The following SEMA5B variants were observed in gnomAD, a reference collection of about 807,000 sequenced individuals.
The protein encoded by SEMA5B is semaphorin 5B, also known as semaphorin-5B.
Under a neutral mutation model 135.0 loss-of-function variants are expected in SEMA5B, and 66 were observed. That is an observed-to-expected ratio of 0.49 (90% CI 0.40 to 0.60). The LOEUF (loss-of-function observed/expected upper bound fraction) is 0.60. SEMA5B is among the 20% of genes least tolerant of loss of function. SEMA5B has a pLI of 0.00. For synonymous variants in SEMA5B, 690 were observed against 639.5 expected, an observed-to-expected ratio of 1.08 and a Z score of -1.19; for missense variants, 1,501 against 1,566.3, an observed-to-expected ratio of 0.96 and a Z score of 0.70.
intron 2 of SEMA5B, among the ~76,000 whole-genome samples, chr3:122,954,331 T>C (rs1384650231): frequency 6.6e-6 from 1 of 152,206 alleles, no homozygotes; most frequent in Non-Finnish European, 1.5e-5. Flanking sequence ...TCCAGCCCTT[T>C]CCTGAGGTTT....
intron 10 of SEMA5B, among the ~76,000 whole-genome samples, chr3:122,922,731 G>A (rs1205044018): frequency 6.6e-6 from 1 of 152,212 alleles, no homozygotes. Flanking sequence ...ATCTAAAAAC[G>A]GATACTTTGA....
At chr3:122,981,417 C>G (rs908708775) in intron 1 of SEMA5B, among the ~76,000 whole-genome samples, 1 of 152,226 alleles carries the variant, frequency 6.6e-6, no homozygotes, top group African/African-American at 2.4e-5. Context: ...CATGTGTGGC[C>G]AGGCGAATTT....
At chr3:122,919,382 T>C in intron 12 of SEMA5B, among the ~76,000 whole-genome samples, 1 of 152,084 alleles carries the variant, frequency 6.6e-6, no homozygotes, top group East Asian at 1.9e-4. Context: ...CAGCTCCTCC[T>C]CGTGGGAGCA....
At chr3:122,978,386 C>A (rs959715985) in intron 1 of SEMA5B, among the ~76,000 whole-genome samples, 2 of 152,116 alleles carry the variant, frequency 1.3e-5, no homozygotes, top group Non-Finnish European at 2.9e-5. Context: ...GGAGGCGGGG[C>A]GTAGGGCCAC....
intron 5 of SEMA5B, among the ~76,000 whole-genome samples, chr3:122,939,006 C>T (rs4677978): frequency 0.25 from 38,244 of 152,062 alleles, 4,852 homozygotes; most frequent in East Asian, 0.33. Context: ...TCCGTGGAGG[C>T]CTGAACTCAG....
intron 1 of SEMA5B, among the ~76,000 whole-genome samples, chr3:122,988,142 C>T (rs1941758393): frequency 6.6e-6 from 1 of 152,138 alleles, no homozygotes; most frequent in African/African-American, 2.4e-5. Flanking sequence ...CGAGAATCTG[C>T]ATTTCAAAAA....
chr3:122,986,616 T>C (rs1382258973), intron 1 of SEMA5B, among the ~76,000 whole-genome samples: 1 of 151,630 alleles, frequency 6.6e-6, no homozygotes, highest in African/African-American at 2.4e-5. Context: ...TGTGTGTGTG[T>C]GTGTGTGTGG....
rs981469003 is a variant in SEMA5B at position 122,959,331 on chromosome 3, T to C, written c.124+1809A>G. Among the ~76,000 whole-genome samples, 5 of 152,248 alleles carry C rather than the reference T, an allele frequency of 3.3e-5. No homozygotes were observed. In the East Asian group the frequency reaches 9.6e-4, roughly 29 times the overall value. ...GAGGTCAGACTGGTAAAAGCTGGAT[T>C]CAAACCCAGGCAGTCGGGCTCAGGA... On this transcript the variant is annotated intron_variant, in intron 2 of 22. Coordinates refer to ENST00000357599, the MANE Select transcript of SEMA5B (RefSeq NM_001031702.4).
intron 5 of SEMA5B, 30 bp downstream of exon 5, chr3:122,939,395 T>A: frequency 6.4e-7 from 1 of 1,574,238 alleles, no homozygotes; most frequent in Admixed American, 1.7e-5. Flanking sequence ...GGGGAAATTA[T>A]AGGAAGGGAA....
At chr3:122,938,530 TC>T (rs1261806549) in intron 5 of SEMA5B, among the ~76,000 whole-genome samples, 3 of 152,170 alleles carry the variant, frequency 2.0e-5, no homozygotes, top group Admixed American at 6.5e-5. Flanking sequence ...GCAGTGAAAC[TC>T]TATACCAAAC....
chr3:122,918,704 C>T (rs1938196626), intron 12 of SEMA5B, among the ~76,000 whole-genome samples: 1 of 152,230 alleles, frequency 6.6e-6, no homozygotes, highest in Non-Finnish European at 1.5e-5. Flanking sequence ...ACACGCCTGC[C>T]CTGCCCCTTC....
intron 1 of SEMA5B, among the ~76,000 whole-genome samples, chr3:122,997,563 C>T (rs1468377720): frequency 1.3e-5 from 2 of 150,354 alleles, no homozygotes; most frequent in Non-Finnish European, 3.0e-5. Context: ...CGTGGGAGGC[C>T]AAGAGGGGTA....
At chr3:122,977,976 G>A (rs1941386860) in intron 1 of SEMA5B, among the ~76,000 whole-genome samples, 1 of 152,262 alleles carries the variant, frequency 6.6e-6, no homozygotes. Flanking sequence ...CAAGGCATCT[G>A]AGCCAGGGCC....
At chr3:123,026,705 G>A (rs1489462250) in intron 1 of SEMA5B, among the ~76,000 whole-genome samples, 1 of 152,218 alleles carries the variant, frequency 6.6e-6, no homozygotes, top group African/African-American at 2.4e-5. Context: ...TCTCCCGCAG[G>A]ACGTGAGCGG....
chr3:122,967,076 G>T (rs1388608209), intron 1 of SEMA5B, among the ~76,000 whole-genome samples: 1 of 151,118 alleles, frequency 6.6e-6, no homozygotes, highest in African/African-American at 2.4e-5. Flanking sequence ...TAGAGACGGG[G>T]GTTTCTCCAT....
intron 1 of SEMA5B, among the ~76,000 whole-genome samples, chr3:122,972,905 G>A (rs1391201868): frequency 6.6e-6 from 1 of 152,172 alleles, no homozygotes; most frequent in Non-Finnish European, 1.5e-5. Context: ...CCACCCCGCA[G>A]CCTATCCAGG....
intron 1 of SEMA5B, among the ~76,000 whole-genome samples, chr3:123,024,880 A>C (rs970612511): frequency 1.7e-4 from 26 of 152,184 alleles, no homozygotes; most frequent in African/African-American, 6.3e-4. Context: ...TTGAACTCCC[A>C]ATTGTCCATA....
At chr3:122,988,023 T>C (rs1448838450) in intron 1 of SEMA5B, among the ~76,000 whole-genome samples, 2 of 152,018 alleles carry the variant, frequency 1.3e-5, no homozygotes, top group Non-Finnish European at 2.9e-5. Flanking sequence ...TGTGCAACAG[T>C]AGTGGTCTTC....
At chr3:122,939,955 C>T (rs1429884160) in intron 4 of SEMA5B, among the ~76,000 whole-genome samples, 3 of 152,162 alleles carry the variant, frequency 2.0e-5, no homozygotes, top group Non-Finnish European at 4.4e-5. Context: ...TCTCTCCTGG[C>T]TCCACATCCC....
Sources: allele counts gnomAD v4.1 joint callset (sites outside exome capture counted in the v4.1 genomes callset), GRCh38; gene constraint gnomAD v4.1.1; transcripts MANE v1.5; gene names NCBI Gene and HGNC (gene_info 2026-07-23, HGNC 2026-07-21).